The following ERC1 variants were observed in gnomAD, a reference collection of about 807,000 sequenced individuals.
The protein encoded by ERC1 is RAB6 interacting protein 2.
ERC1 carries 56 observed loss-of-function variants against 132.0 expected under a neutral mutation model. The ratio of observed to expected loss-of-function variants is 0.42; its 90% CI spans 0.34 to 0.53. The LOEUF is 0.53. ERC1 is among the 20% of genes least tolerant of loss of function. ERC1 has a pLI of 0.03. For missense variants in ERC1, 1,202 were observed against 1,349.9 expected, an observed-to-expected ratio of 0.89 and a Z score of 1.72; for synonymous variants, 478 against 476.1, an observed-to-expected ratio of 1.00 and a Z score of -0.05.
At chr12:1,374,166 A>G (rs1326266743) in intron 16 of ERC1, among the ~76,000 whole-genome samples, 1 of 152,222 alleles carries the variant, frequency 6.6e-6, no homozygotes, top group African/African-American at 2.4e-5. Context: ...TAGTCCATGA[A>G]TTGCTGGAAT....
At chr12:1,365,707 T>C (rs1002947963) in intron 15 of ERC1, among the ~76,000 whole-genome samples, 3 of 152,144 alleles carry the variant, frequency 2.0e-5, no homozygotes, top group African/African-American at 7.2e-5. Flanking sequence ...ATGCAGAACA[T>C]GAACAATACT....
chr12:1,414,844 A>ATG (rs758275991), intron 17 of ERC1, among the ~76,000 whole-genome samples: 91 of 151,974 alleles, frequency 6.0e-4, no homozygotes, highest in African/African-American at 2.1e-3. Context: ...GTAAATATAT[A>ATG]TGTGTGTGTG....
intron 15 of ERC1, among the ~76,000 whole-genome samples, chr12:1,340,493 TCTG>T (rs775833564): frequency 6.2e-4 from 95 of 152,270 alleles, no homozygotes; most frequent in Non-Finnish European, 1.0e-3. Context: ...GGGGTCATCT[TCTG>T]CTGGAATTCC....
intron 2 of ERC1, among the ~76,000 whole-genome samples, chr12:1,054,286 G>A (rs1422550089): frequency 6.6e-6 from 1 of 152,116 alleles, no homozygotes; most frequent in East Asian, 1.9e-4. Context: ...GCCATTCTAA[G>A]GCCAGTGCTT....
At chr12:1,005,381 C>T (rs922434292) in intron 1 of ERC1, among the ~76,000 whole-genome samples, 28 of 152,096 alleles carry the variant, frequency 1.8e-4, no homozygotes, top group Admixed American at 1.8e-3. Flanking sequence ...GAGCTTAAGT[C>T]ATCTACCCAC....
At chr12:1,369,630 T>C (rs759203564) in intron 15 of ERC1, among the ~76,000 whole-genome samples, 4 of 152,224 alleles carry the variant, frequency 2.6e-5, no homozygotes, top group Non-Finnish European at 5.9e-5. Flanking sequence ...AACAGGAAAC[T>C]GCATAGTTAG....
At chr12:1,244,517 T>C in intron 13 of ERC1, 1 of 451,914 alleles carries the variant, frequency 2.2e-6, no homozygotes, top group South Asian at 1.6e-5. Context: ...TTTGTTTGTT[T>C]GTTTGTTTGT....
intron 15 of ERC1, among the ~76,000 whole-genome samples, chr12:1,364,100 T>C (rs917019772): frequency 6.6e-6 from 1 of 152,258 alleles, no homozygotes; most frequent in Non-Finnish European, 1.5e-5. Flanking sequence ...GTGATAGTTA[T>C]TTTGTGTTGC....
chr12:1,155,040 G>T (rs977610678), intron 8 of ERC1, among the ~76,000 whole-genome samples: 2 of 152,322 alleles, frequency 1.3e-5, no homozygotes, highest in African/African-American at 4.8e-5. Context: ...ATTTCAGGCT[G>T]GGCGTAGTGG....
At chr12:1,479,537 G>A (rs182544930) in intron 18 of ERC1, among the ~76,000 whole-genome samples, 2 of 152,312 alleles carry the variant, frequency 1.3e-5, no homozygotes. Context: ...CAGTTATTAA[G>A]GAGAGAACTC....
chr12:1,093,955 T>TTTTATATATATATATATATA (rs1469024496), intron 3 of ERC1, among the ~76,000 whole-genome samples: 1 of 16,140 alleles, frequency 6.2e-5, no homozygotes, highest in Non-Finnish European at 1.8e-4. Flanking sequence ...ATATATATTT[T>TTTTATATATATATATATATA]TCTATATATA....
intron 3 of ERC1, among the ~76,000 whole-genome samples, chr12:1,097,775 C>T (rs1317231869): frequency 6.7e-6 from 1 of 148,162 alleles, no homozygotes; most frequent in African/African-American, 2.5e-5. Flanking sequence ...AGTGCAATGT[C>T]GCGATCTCGG....
chr12:1,173,516 T>C (rs565810223), intron 8 of ERC1, among the ~76,000 whole-genome samples: 76 of 152,350 alleles, frequency 5.0e-4, no homozygotes, highest in African/African-American at 1.8e-3. Context: ...CATTTTTATC[T>C]TTATGTTCTA....
intron 2 of ERC1, among the ~76,000 whole-genome samples, chr12:1,057,527 C>CTT (rs35389600): frequency 2.1e-5 from 3 of 141,848 alleles, no homozygotes; most frequent in South Asian, 2.2e-4. Context: ...TTTTATTGTA[C>CTT]TTTTTTTTTA....
At chr12:1,167,864 G>C (rs139751085) in intron 8 of ERC1, among the ~76,000 whole-genome samples, 3,514 of 151,786 alleles carry the variant, frequency 0.023, 64 homozygotes, top group Middle Eastern at 0.065. Flanking sequence ...CTACAGGCGC[G>C]CGCCACCACA....
At chr12:1,343,618 C>A (rs1469278017) in intron 15 of ERC1, among the ~76,000 whole-genome samples, 1 of 152,114 alleles carries the variant, frequency 6.6e-6, no homozygotes, top group Non-Finnish European at 1.5e-5. Flanking sequence ...TTTCATCAGT[C>A]GTTCACTTAA....
At chr12:1,219,031 C>G (rs1958707008) in intron 12 of ERC1, among the ~76,000 whole-genome samples, 1 of 151,954 alleles carries the variant, frequency 6.6e-6, no homozygotes, top group African/African-American at 2.4e-5. Flanking sequence ...CACCACCACG[C>G]CTGGCTAATT....
chr12:1,185,914 C>A (rs927728588), intron 11 of ERC1, among the ~76,000 whole-genome samples: 2 of 152,106 alleles, frequency 1.3e-5, no homozygotes, highest in African/African-American at 2.4e-5. Context: ...CATGTTGTGG[C>A]TTTTAGCCAC....
At chr12:1,349,719 G>C (rs12298813) in intron 15 of ERC1, among the ~76,000 whole-genome samples, 79,680 of 151,382 alleles carry the variant, frequency 0.53, 23,200 homozygotes, top group African/African-American at 0.78. Context: ...GCCGTTTTAG[G>C]TGCTTCCAGC....
Sources: allele counts gnomAD v4.1 joint callset (sites outside exome capture counted in the v4.1 genomes callset), GRCh38; gene constraint gnomAD v4.1.1; transcripts MANE v1.5; gene names NCBI Gene and HGNC (gene_info 2026-07-23, HGNC 2026-07-21).